GPATCH8: variants seen among roughly 807,000 people sequenced by gnomAD.
GPATCH8 encodes the protein G-patch domain containing 8.
A neutral mutation model predicts 118.3 loss-of-function variants in GPATCH8; 18 were observed. The ratio of observed to expected loss-of-function variants is 0.15; its 90% CI spans 0.11 to 0.23. The LOEUF is 0.23. Ranked by LOEUF, GPATCH8 falls within the 10% of genes least tolerant of loss-of-function variation. The pLI is 1.00. For synonymous variants in GPATCH8, 659 were observed against 684.7 expected (o/e 0.96, Z 0.59); for missense variants, 1,631 against 1,873.8 (o/e 0.87, Z 2.39).
At chr17:44,433,312 C>T (rs1024690279) in intron 5 of GPATCH8, among the ~76,000 whole-genome samples, 2 of 152,148 alleles carry the variant, frequency 1.3e-5, no homozygotes, top group African/African-American at 4.8e-5. Context: ...TGGCTTTTCT[C>T]ACTATTTCAA....
intron 1 of GPATCH8, among the ~76,000 whole-genome samples, chr17:44,475,180 A>G (rs1289297728): frequency 6.7e-6 from 1 of 148,234 alleles, no homozygotes; most frequent in East Asian, 2.0e-4. Flanking sequence ...GGAATTCGAG[A>G]CCAGCCTGGC....
intron 1 of GPATCH8, among the ~76,000 whole-genome samples, chr17:44,490,353 A>T (rs1969149588): frequency 6.6e-6 from 1 of 152,152 alleles, no homozygotes; most frequent in South Asian, 2.1e-4. Flanking sequence ...AACAGTAATT[A>T]TTCCAAGACA....
intron 1 of GPATCH8, among the ~76,000 whole-genome samples, chr17:44,481,034 C>T (rs530950957): frequency 1.3e-5 from 2 of 152,220 alleles, no homozygotes; most frequent in South Asian, 4.1e-4. Flanking sequence ...TTTCAGGCTC[C>T]CGAGTAGCTG....
chr17:44,459,257 T>C (rs1211249201), intron 3 of GPATCH8, among the ~76,000 whole-genome samples: 7 of 152,218 alleles, frequency 4.6e-5, no homozygotes, highest in African/African-American at 7.2e-5. Flanking sequence ...ATTACTGTTG[T>C]TAATCTTGGA....
chr17:44,402,811 G>A (rs1303480441), intron 7 of GPATCH8, among the ~76,000 whole-genome samples: 1 of 152,172 alleles, frequency 6.6e-6, no homozygotes, highest in East Asian at 1.9e-4. Context: ...TGGTTTTGTG[G>A]CAGTTTCTGG....
At position 44,491,746 on chromosome 17, in the gene GPATCH8, C is replaced by T. The variant is rs182896539; in HGVS notation, c.45+11580G>A. The stretch of plus-strand genomic sequence containing the variant: ...GTACACACCTGTAGTCCCAGCTACT[C>T]GGGAGGCTGCAATGGGAGGATTGCC... On this transcript the variant is annotated intron_variant, in intron 1 of 7. Transcript: ENST00000591680. Among the ~76,000 whole-genome samples, 14 of 151,922 alleles carry T rather than the reference C, an allele frequency of 9.2e-5. No homozygotes were observed. In the East Asian group the frequency reaches 2.1e-3, roughly 23 times the overall value.
At chr17:44,497,411 G>A (rs2144498843) in intron 1 of GPATCH8, among the ~76,000 whole-genome samples, 1 of 151,614 alleles carries the variant, frequency 6.6e-6, no homozygotes, top group South Asian at 2.1e-4. Context: ...GCAACATGGA[G>A]AAACCCCATC....
chr17:44,436,801 T>C, intron 3 of GPATCH8: 1 of 520,388 alleles, frequency 1.9e-6, no homozygotes, highest in East Asian at 3.4e-5. Context: ...TAATAAGTAA[T>C]GCAAAGCACT....
rs2048978959 is a variant in GPATCH8 at position 44,400,546 on chromosome 17, T to C, written c.1531A>G (p.Asn511Asp). 2 of 1,613,996 alleles carry C rather than the reference T, an allele frequency of 1.2e-6. No individual in the cohort carries two copies. The highest frequency in any genetic ancestry group is 8.5e-7 in the Non-Finnish European group (1 of 1,179,948). Residue 511 changes from asparagine (N) to aspartate (D), a missense_variant, in exon 8 of 8, where the codon AAC (asparagine) becomes GAC (aspartate). By Grantham distance (23) the Asn-to-Asp change is conservative. This residue lies in a region of GPATCH8 where 405 missense variants were observed against 462.7 expected (regional missense o/e 0.88). Transcript: ENST00000591680. ...GCCAGAGAGGTTTCTTTAGAAGAGT[T>C]GGACTCACACATTTGGGTCTCTGAA... ...KVSETQMCES[N>D]SSKETSLATP...
At chr17:44,403,879 A>G (rs913905386) in intron 7 of GPATCH8, among the ~76,000 whole-genome samples, 32 of 148,892 alleles carry the variant, frequency 2.1e-4, no homozygotes, top group African/African-American at 6.9e-4. Context: ...TTTTTAGTAG[A>G]GACAGAGTTT....
At chr17:44,439,633 A>G (rs1171546145) in intron 3 of GPATCH8, among the ~76,000 whole-genome samples, 1 of 152,168 alleles carries the variant, frequency 6.6e-6, no homozygotes, top group Non-Finnish European at 1.5e-5. Flanking sequence ...AAAACAAAAC[A>G]AAACAAAAAA....
intron 1 of GPATCH8, among the ~76,000 whole-genome samples, chr17:44,502,471 G>GT (rs1970150327): frequency 6.6e-6 from 1 of 151,920 alleles, no homozygotes; most frequent in Non-Finnish European, 1.5e-5. Flanking sequence ...CAACAGAAAG[G>GT]TATTTTCAAC....
Position 44,395,563 on chromosome 17 carries a change from G to A in GPATCH8, c.*2005C>T, listed in dbSNP as rs1258720910. The A allele has an allele frequency of 4.4e-6, 2 of 454,382 alleles. No homozygotes were observed. The highest frequency in any genetic ancestry group is 8.8e-6 in the Non-Finnish European group (2 of 226,778). The allele number at this position is 454,382 out of a possible 1,614,324, so 28.1% of individuals were successfully genotyped here. On this transcript the variant is annotated 3_prime_UTR_variant, in exon 8 of 8. Transcript: ENST00000591680. Reference sequence around the variant, plus strand: ...ATGGGCTGAAAGCAAAGAAAAATGAGTCCCTTCACTTACACAGATGATTTC... The same window carrying A: ...ATGGGCTGAAAGCAAAGAAAAATGAATCCCTTCACTTACACAGATGATTTC...
In GPATCH8 at chr17:44,400,052, G is replaced by A; in HGVS notation, c.2025C>T (p.His675=). The A allele has an allele frequency of 1.2e-6, 2 of 1,613,174 alleles. No homozygotes were observed. The highest frequency in any genetic ancestry group is 8.5e-7 in the Non-Finnish European group (1 of 1,179,858). ...KKERSGKSHR[H]KKKKKHKKSS... is the part of the protein sequence containing the mutation. ...ATTTTTTGTGCTTCTTTTTCTTTTT[G>A]TGCCGGTGGGACTTCCCAGATCGTT... is the stretch of plus-strand genomic sequence containing the variant. The change falls in exon 8 of 8, where the codon CAC becomes CAT. Residue 675 remains histidine, a synonymous_variant. Transcript: ENST00000591680.
intron 5 of GPATCH8, among the ~76,000 whole-genome samples, chr17:44,428,011 G>T (rs960252325): frequency 6.6e-6 from 1 of 152,166 alleles, no homozygotes; most frequent in South Asian, 2.1e-4. Flanking sequence ...GCCAGGCGTG[G>T]TAGCCCATGT....
chr17:44,482,845 T>C (rs924146357), intron 1 of GPATCH8, among the ~76,000 whole-genome samples: 4 of 134,260 alleles, frequency 3.0e-5, no homozygotes, highest in African/African-American at 5.7e-5. Flanking sequence ...AAGCTTGTAG[T>C]AGAAGTTAAC....
chr17:44,492,994 TA>T (rs1294068533), intron 1 of GPATCH8, among the ~76,000 whole-genome samples: 8 of 150,246 alleles, frequency 5.3e-5, no homozygotes, highest in Non-Finnish European at 8.9e-5. Context: ...CAAGAAGTCA[TA>T]AATGACCAAT....
At chr17:44,407,657 ATT>A (rs35620878) in intron 6 of GPATCH8, among the ~76,000 whole-genome samples, 143 of 141,780 alleles carry the variant, frequency 1.0e-3, no homozygotes, top group Middle Eastern at 3.7e-3. Flanking sequence ...CATAATTAAG[ATT>A]TTTTTTTTTT....
In GPATCH8 at chr17:44,395,943, G is replaced by A. The variant is rs767075918; in HGVS notation, c.*1625C>T. The A allele has an allele frequency of 2.2e-6, 1 of 454,346 alleles. No homozygotes were observed. The highest frequency in any genetic ancestry group is 1.6e-5 in the South Asian group (1 of 64,478). 28.1% of individuals were successfully genotyped at this position (454,346 alleles called of 1,614,324 possible). A position where few individuals can be genotyped will look rare whatever the true frequency, so the allele number is the denominator to read the frequency against. On this transcript the variant is annotated 3_prime_UTR_variant, in exon 8 of 8. Coordinates refer to ENST00000591680, the MANE Select transcript of GPATCH8 (RefSeq NM_001002909.4). ...GAAAGGCAAGAAGAGGGGCAAAAGAGGCTGAGGTGGTAATTCCTCTTGTCA... is the reference window on the plus strand; with the variant it reads ...GAAAGGCAAGAAGAGGGGCAAAAGAAGCTGAGGTGGTAATTCCTCTTGTCA...
Sources: allele counts gnomAD v4.1 joint callset (sites outside exome capture counted in the v4.1 genomes callset), GRCh38; gene constraint gnomAD v4.1.1; regional missense constraint gnomAD v4.1.1; transcripts MANE v1.5; gene names NCBI Gene and HGNC (gene_info 2026-07-23, HGNC 2026-07-21).